Variants in GIN1 observed in about 807,000 individuals in gnomAD.
The protein encoded by GIN1 is gypsy retrotransposon integrase 1.
In GIN1, 41 loss-of-function variants were observed where a neutral mutation model predicts 51.4. That is an observed-to-expected ratio of 0.80 (90% CI 0.62 to 1.04). The LOEUF is 1.04. GIN1 is among the 50% of genes least tolerant of loss of function. GIN1 has a pLI of 0.00. For missense variants in GIN1, 610 were observed against 612.4 expected (o/e 1.00, Z 0.04); for synonymous variants, 222 against 206.5 (o/e 1.07, Z -0.64).
In GIN1 at chr5:103,108,717, A is replaced by T; in HGVS notation, c.-7-3T>A. On this transcript the variant is annotated splice_polypyrimidine_tract_variant and splice_region_variant and intron_variant, in intron 1 of 7. Transcript: ENST00000399004. ...TTCCACTACGGACCATTGTGAACCT[A>T]GGTAAAAGGTATTTAAAAAGATAAC... 2.5e-6 allele frequency: 4 copies of T among 1,569,844 alleles called. No individual in the cohort carries two copies. Among genetic ancestry groups the T allele is most frequent in the South Asian group, 2.4e-5 (2 of 84,976 alleles).
chr5:103,106,892 C>A lies in GIN1; in HGVS notation c.157G>T (p.Val53Phe). ...CGATTTTGTTTTCTGTCTTTTCCAA[C>A]ATAAAACAGCTTTTTTTCTGGAATA... ...FVFKEKKLFY[V>F]GKDRKQNRLV... The change falls in exon 3 of 8, where the codon GTT becomes TTT. Residue 53 changes from valine (V) to phenylalanine (F), a missense_variant. Transcript: ENST00000399004. The A allele has an allele frequency of 6.4e-7, 1 of 1,563,382 alleles. No individual in the cohort carries two copies. The highest frequency in any genetic ancestry group is 8.7e-7 in the Non-Finnish European group (1 of 1,155,406).
chr5:103,090,809 T>A (rs34801), intron 7 of GIN1, among the ~76,000 whole-genome samples: 37,308 of 151,796 alleles, frequency 0.25, 5,114 homozygotes, highest in East Asian at 0.45. Flanking sequence ...CTTGAGTACC[T>A]CCTAGTTACA....
At chr5:103,113,741 C>T (rs191751460) in intron 1 of GIN1, among the ~76,000 whole-genome samples, 71 of 152,160 alleles carry the variant, frequency 4.7e-4, no homozygotes, top group East Asian at 4.5e-3. Context: ...AGGCTGGTCT[C>T]GAACTCCTGA....
chr5:103,106,598 G>A (rs1787730287), intron 3 of GIN1, 118 bp downstream of exon 3: 1 of 598,272 alleles, frequency 1.7e-6, no homozygotes, highest in East Asian at 3.3e-5. Flanking sequence ...CTCCCTTTAA[G>A]TGATTGCCAA....
chr5:103,100,793 T>A (rs1200310827), intron 4 of GIN1, among the ~76,000 whole-genome samples: 1 of 152,164 alleles, frequency 6.6e-6, no homozygotes, highest in Non-Finnish European at 1.5e-5. Flanking sequence ...GGCTTCATAT[T>A]ATCATTAGCA....
At chr5:103,091,797 G>A (rs750669149) in intron 7 of GIN1, among the ~76,000 whole-genome samples, 4 of 151,962 alleles carry the variant, frequency 2.6e-5, no homozygotes, top group Non-Finnish European at 5.9e-5. Flanking sequence ...GGCCAAGGCG[G>A]GTGGATCACT....
At chr5:103,114,759 T>C (rs1458039315) in intron 1 of GIN1, among the ~76,000 whole-genome samples, 1 of 152,164 alleles carries the variant, frequency 6.6e-6, no homozygotes, top group Admixed American at 6.5e-5. Flanking sequence ...AATATATTAG[T>C]TTATATGTCT....
chr5:103,090,802 G>A (rs185941647), intron 7 of GIN1, among the ~76,000 whole-genome samples: 83 of 152,182 alleles, frequency 5.5e-4, no homozygotes, highest in African/African-American at 2.0e-3. Flanking sequence ...CCTTGAACTT[G>A]AGTACCTCCT....
At position 103,104,696 on chromosome 5, in the gene GIN1, T is replaced by C. The variant is rs1787675111; in HGVS notation, c.484A>G (p.Ile162Val). Residue 162 changes from isoleucine to valine, a missense_variant, in exon 4 of 8, where the codon ATA (isoleucine) becomes GTA (valine). Coordinates refer to ENST00000399004, the MANE Select transcript of GIN1 (RefSeq NM_017676.2). ...HTSNRSHVYAIIMTDLFTKWI... is the reference protein window; with the variant it reads ...HTSNRSHVYAVIMTDLFTKWI... ...TTGGTGAACAAATCTGTCATGATTA[T>C]AGCATATACATGACTTCTGTTGCTT... 3 of 1,613,220 alleles carry C rather than the reference T, an allele frequency of 1.9e-6. No individual in the cohort carries two copies. Among genetic ancestry groups the C allele is most frequent in the Non-Finnish European group, 2.5e-6 (3 of 1,179,318 alleles).
intron 7 of GIN1, among the ~76,000 whole-genome samples, chr5:103,090,900 AAC>A (rs3836842): frequency 0.26 from 38,840 of 147,716 alleles, 5,403 homozygotes; most frequent in East Asian, 0.42. Context: ...GTCACACACG[AAC>A]ACACACACAC....
At position 103,106,865 on chromosome 5, in the gene GIN1, A is replaced by T. The variant is rs1398663500; in HGVS notation, c.184T>A (p.Leu62Met). The T allele has an allele frequency of 1.3e-5, 21 of 1,590,732 alleles. No individual in the cohort carries two copies. The Admixed American group carries it at 3.8e-4, about 29-fold the overall frequency. Residue 62 changes from leucine to methionine, a missense_variant, in exon 3 of 8, where the codon TTG (leucine) becomes ATG (methionine). Coordinates refer to ENST00000399004, the MANE Select transcript of GIN1 (RefSeq NM_017676.2). ...YVGKDRKQNR[L>M]VIVSEEEKKK... is the part of the protein sequence containing the mutation. ...TTTTCCTCTTCTGAAACAATTACCA[A>T]ACGATTTTGTTTTCTGTCTTTTCCA...
At chr5:103,099,873 A>G (rs1554195585) in intron 4 of GIN1, among the ~76,000 whole-genome samples, 2 of 152,222 alleles carry the variant, frequency 1.3e-5, no homozygotes, top group Admixed American at 6.5e-5. Flanking sequence ...CAACTATACA[A>G]TAAACCTCCC....
chr5:103,100,462 G>T (rs1469228475), intron 4 of GIN1, among the ~76,000 whole-genome samples: 3 of 152,026 alleles, frequency 2.0e-5, no homozygotes, highest in African/African-American at 7.3e-5. Context: ...TGCAACCATA[G>T]CTCACTACAG....
At chr5:103,116,125 T>C (rs1788024232) in intron 1 of GIN1, among the ~76,000 whole-genome samples, 1 of 152,096 alleles carries the variant, frequency 6.6e-6, no homozygotes, top group Admixed American at 6.5e-5. Context: ...TTGCAGAAAC[T>C]GACAGGCTGA....
chr5:103,086,906 TAC>T lies in GIN1; in HGVS notation c.*990_*991del, dbSNP rs1787089522. The T allele has an allele frequency of 6.6e-6, 1 of 152,242 alleles. No homozygotes were observed. Among genetic ancestry groups the T allele is most frequent in the South Asian group, 2.1e-4 (1 of 4,836 alleles). The allele number at this position is 152,242 out of a possible 1,614,324, so 9.4% of individuals were successfully genotyped here. A position where few individuals can be genotyped will look rare whatever the true frequency, so the allele number is the denominator to read the frequency against. ...TTATATTTATGAATATCATAGAAATTACAGTTTAAAATCTTTGATACTGGTTA... is the reference window on the plus strand; with the variant it reads ...TTATATTTATGAATATCATAGAAATTAGTTTAAAATCTTTGATACTGGTTA... On this transcript the variant is annotated 3_prime_UTR_variant, in exon 8 of 8. Transcript: ENST00000399004.
chr5:103,118,384 A>G (rs1788119608), intron 1 of GIN1, among the ~76,000 whole-genome samples: 2 of 152,178 alleles, frequency 1.3e-5, no homozygotes, highest in African/African-American at 4.8e-5. Context: ...TATCATCCAT[A>G]TCAGGCTGTT....
chr5:103,101,468 G>T (rs1554195787), intron 4 of GIN1, among the ~76,000 whole-genome samples: 1 of 152,196 alleles, frequency 6.6e-6, no homozygotes, highest in Non-Finnish European at 1.5e-5. Flanking sequence ...GCAGATAAAT[G>T]GGGACTATTG....
At chr5:103,112,725 T>C (rs1787921966) in intron 1 of GIN1, among the ~76,000 whole-genome samples, 1 of 152,208 alleles carries the variant, frequency 6.6e-6, no homozygotes, top group African/African-American at 2.4e-5. Flanking sequence ...CCTCTCCTAA[T>C]CTTCTTTGTG....
intron 4 of GIN1, among the ~76,000 whole-genome samples, chr5:103,103,567 C>CA (rs1787635533): frequency 6.6e-6 from 1 of 152,180 alleles, no homozygotes; most frequent in Non-Finnish European, 1.5e-5. Flanking sequence ...CTGTCAATTA[C>CA]AAAAAGTTTT....
Sources: allele counts gnomAD v4.1 joint callset (sites outside exome capture counted in the v4.1 genomes callset), GRCh38; gene constraint gnomAD v4.1.1; transcripts MANE v1.5; gene names NCBI Gene and HGNC (gene_info 2026-07-23, HGNC 2026-07-21).